SEC14L1: variants seen among roughly 807,000 people sequenced by gnomAD.
SEC14L1 encodes the protein SEC14 like lipid binding 1, also known as SEC14-like protein 1.
SEC14L1 carries 48 observed loss-of-function variants against 85.3 expected under a neutral mutation model. The observed-to-expected ratio is 0.56, with a 90% CI of 0.45 to 0.72. The LOEUF (loss-of-function observed/expected upper bound fraction) is 0.72, where lower values mean the gene tolerates loss of function less well. SEC14L1 is among the 30% of genes least tolerant of loss of function. The pLI, the probability that SEC14L1 is intolerant of heterozygous loss-of-function variation, is 0.00. For synonymous variants in SEC14L1, 391 were observed against 355.5 expected, an observed-to-expected ratio of 1.10 and a Z score of -1.12; for missense variants, 682 against 921.4, an observed-to-expected ratio of 0.74 and a Z score of 3.36.
Position 77,215,513 on chromosome 17 carries a change from T to A in SEC14L1, c.*1490T>A. 1.0e-6 allele frequency: 1 copy of A among 986,080 alleles called. No individual in the cohort carries two copies. Among genetic ancestry groups the A allele is most frequent in the Non-Finnish European group, 1.2e-6 (1 of 830,316 alleles). 61.1% of individuals were successfully genotyped at this position (986,080 alleles called of 1,614,324 possible). On this transcript the variant is annotated 3_prime_UTR_variant, in exon 17 of 17. Coordinates refer to ENST00000436233, the MANE Select transcript of SEC14L1 (RefSeq NM_001143998.2). The stretch of plus-strand genomic sequence containing the variant: ...ACTGGAGAGCTGTGTGGAGGCCATG[T>A]GTGCCCCGTGCAGGGATCAGGAGGG...
intron 3 of SEC14L1, among the ~76,000 whole-genome samples, chr17:77,126,175 G>A (rs1248442413): frequency 6.6e-6 from 1 of 152,178 alleles, no homozygotes. Context: ...ATGGGAGTGC[G>A]ATAGGAAGAG....
At chr17:77,146,958 C>T (rs1006904289) in intron 3 of SEC14L1, among the ~76,000 whole-genome samples, 8 of 152,120 alleles carry the variant, frequency 5.3e-5, no homozygotes, top group Non-Finnish European at 1.0e-4. Flanking sequence ...TGAAAATGCC[C>T]TTTTCAGTTC....
chr17:77,201,163 T>C (rs1292077433), intron 9 of SEC14L1, among the ~76,000 whole-genome samples: 2 of 152,194 alleles, frequency 1.3e-5, no homozygotes, highest in Admixed American at 6.5e-5. Flanking sequence ...GCACCTGAAA[T>C]GAAGAGTGGT....
At chr17:77,144,911 C>CTATTTT (rs1316566980) in intron 3 of SEC14L1, 2 of 150,998 alleles carry the variant, frequency 1.3e-5, no homozygotes, top group Non-Finnish European at 3.0e-5. Context: ...CTCTCCTGGT[C>CTATTTT]TATTTTTATT....
At chr17:77,143,339 ACT>A (rs1003505879) in intron 2 of SEC14L1, among the ~76,000 whole-genome samples, 3 of 152,176 alleles carry the variant, frequency 2.0e-5, no homozygotes, top group African/African-American at 7.2e-5. Flanking sequence ...TCACACCAGT[ACT>A]GTTTGCCTCA....
intron 3 of SEC14L1, among the ~76,000 whole-genome samples, chr17:77,146,110 C>T (rs1461228139): frequency 2.0e-5 from 3 of 152,310 alleles, no homozygotes; most frequent in Admixed American, 2.0e-4. Context: ...AGGATATTGG[C>T]TAGCCTGTGG....
In SEC14L1 at chr17:77,214,780, G is replaced by A; in HGVS notation, c.*757G>A. On this transcript the variant is annotated 3_prime_UTR_variant, in exon 17 of 17. Coordinates refer to ENST00000436233, the MANE Select transcript of SEC14L1 (RefSeq NM_001143998.2). The stretch of plus-strand genomic sequence containing the variant: ...TTCTGTATGTGAACTTGGGTGGGGG[G>A]GTTCTTCCCGTTTCCTTCCGTGCGT... 1.0e-6 allele frequency: 1 copy of A among 985,468 alleles called. No homozygotes were observed. Among genetic ancestry groups the A allele is most frequent in the Non-Finnish European group, 1.2e-6 (1 of 829,992 alleles). The allele number at this position is 985,468 out of a possible 1,614,324, so 61.0% of individuals were successfully genotyped here. A position where few individuals can be genotyped will look rare whatever the true frequency, so the allele number is the denominator to read the frequency against.
chr17:77,174,605 C>T (rs933732454), intron 3 of SEC14L1, among the ~76,000 whole-genome samples: 18 of 152,092 alleles, frequency 1.2e-4, no homozygotes, highest in Admixed American at 6.5e-4. Context: ...CGGGTTTATT[C>T]GTCACACCAG....
chr17:77,201,740 C>T (rs890322106), intron 9 of SEC14L1, among the ~76,000 whole-genome samples: 44 of 152,270 alleles, frequency 2.9e-4, no homozygotes, highest in Admixed American at 5.9e-4. Context: ...TGAGCCATTG[C>T]GCCCGGCCTC....
At chr17:77,152,192 C>T (rs1190230828) in intron 3 of SEC14L1, among the ~76,000 whole-genome samples, 2 of 152,046 alleles carry the variant, frequency 1.3e-5, no homozygotes, top group African/African-American at 2.4e-5. Context: ...ATTACTAAGG[C>T]AGACTTTTTT....
intron 3 of SEC14L1, 106 bp from the exon 4 acceptor site, chr17:77,190,697 T>G: frequency 9.7e-6 from 11 of 1,129,178 alleles, no homozygotes; most frequent in Non-Finnish European, 1.4e-5. Context: ...TGGCGCTGCC[T>G]GTTGCCGTGC....
intron 13 of SEC14L1, among the ~76,000 whole-genome samples, chr17:77,207,256 CAG>C (rs145041142): frequency 0.38 from 52,999 of 139,286 alleles, 9,715 homozygotes; most frequent in South Asian, 0.47. Flanking sequence ...TTTATGGAGA[CAG>C]GGTCCGGCTC....
intron 3 of SEC14L1, among the ~76,000 whole-genome samples, chr17:77,186,103 T>C (rs908630820): frequency 7.2e-5 from 11 of 152,200 alleles, no homozygotes; most frequent in Non-Finnish European, 1.5e-4. Flanking sequence ...GAGTCTCTTA[T>C]TAATTTTCTG....
chr17:77,091,011 G>A (rs142638326), intron 2 of SEC14L1, among the ~76,000 whole-genome samples: 113 of 152,118 alleles, frequency 7.4e-4, no homozygotes, highest in South Asian at 1.2e-3. Context: ...GCCATACAGG[G>A]CCTTGCGGCT....
At chr17:77,195,307 T>G (rs1055385259) in intron 7 of SEC14L1, among the ~76,000 whole-genome samples, 16 of 124,818 alleles carry the variant, frequency 1.3e-4, no homozygotes, top group Non-Finnish European at 2.2e-4. Context: ...AAGGAAGGTG[T>G]TTTTTTTTGT....
At position 77,216,752 on chromosome 17, in the gene SEC14L1, C is replaced by A; in HGVS notation, c.*2729C>A. 2 of 1,000,970 alleles carry A rather than the reference C, an allele frequency of 2.0e-6. No individual in the cohort carries two copies. The highest frequency in any genetic ancestry group is 1.6e-5 in the South Asian group (1 of 63,942). The allele number at this position is 1,000,970 out of a possible 1,614,324, so 62.0% of individuals were successfully genotyped here. A position where few individuals can be genotyped will look rare whatever the true frequency, so the allele number is the denominator to read the frequency against. On this transcript the variant is annotated 3_prime_UTR_variant, in exon 17 of 17. Transcript: ENST00000436233. ...ATCTTGAAGAGCTCAAAGCACATGA[C>A]CGCACAAATGCTTACAGGGTTTCCT...
intron 3 of SEC14L1, among the ~76,000 whole-genome samples, chr17:77,112,046 G>A (rs1424062130): frequency 6.6e-6 from 1 of 152,162 alleles, no homozygotes; most frequent in Non-Finnish European, 1.5e-5. Flanking sequence ...ACTGAATCAT[G>A]GGAGCAGTTA....
intron 3 of SEC14L1, among the ~76,000 whole-genome samples, chr17:77,130,688 C>T (rs991708698): frequency 4.6e-5 from 7 of 152,162 alleles, no homozygotes; most frequent in African/African-American, 1.4e-4. Context: ...AGCATGATCA[C>T]GGCTCACTGC....
chr17:77,157,446 G>T (rs577623956), intron 3 of SEC14L1, among the ~76,000 whole-genome samples: 2 of 152,262 alleles, frequency 1.3e-5, no homozygotes, highest in South Asian at 2.1e-4. Flanking sequence ...GCCTGCTCAA[G>T]CTGGAGAACC....
Sources: gnomAD v4.1 joint callset for allele counts (sites outside exome capture counted in the v4.1 genomes callset) on GRCh38, gnomAD v4.1.1 for gene constraint, MANE v1.5 for transcripts, NCBI Gene and HGNC (gene_info 2026-07-23, HGNC 2026-07-21) for gene names.